Variants in GDAP1 observed in about 807,000 individuals in gnomAD.
GDAP1 encodes ganglioside-induced differentiation-associated protein 1.
A neutral mutation model predicts 40.1 loss-of-function variants in GDAP1; 34 were observed. The observed-to-expected ratio is 0.85, with a 90% CI of 0.64 to 1.13. The LOEUF (loss-of-function observed/expected upper bound fraction) is 1.13, where lower values mean the gene tolerates loss of function less well. Ranked by LOEUF, GDAP1 falls within the 50% of genes most tolerant of loss-of-function variation. GDAP1 has a pLI of 0.00. For missense variants in GDAP1, 374 were observed against 433.7 expected (o/e 0.86, Z 1.22); for synonymous variants, 170 against 157.4 (o/e 1.08, Z -0.60).
downstream of GDAP1, among the ~76,000 whole-genome samples, chr8:74,367,598 C>A (rs1809683136): frequency 6.6e-6 from 1 of 152,076 alleles, no homozygotes; most frequent in Non-Finnish European, 1.5e-5. Context: ...ATATAACCAT[C>A]ATATTGTTTA....
intron 2 of GDAP1, among the ~76,000 whole-genome samples, chr8:74,445,666 A>G (rs1328823116): frequency 6.6e-6 from 1 of 152,228 alleles, no homozygotes; most frequent in African/African-American, 2.4e-5. Context: ...ACTTAAAAAA[A>G]GACTAGAAAA....
chr8:74,384,247 A>G (rs545162128), intron 2 of GDAP1, among the ~76,000 whole-genome samples: 1 of 152,122 alleles, frequency 6.6e-6, no homozygotes, highest in Non-Finnish European at 1.5e-5. Flanking sequence ...ATTCACTTCA[A>G]TGGGGGAAAT....
In GDAP1 at chr8:74,423,231, TATG is replaced by T. The variant is rs200050509; in HGVS notation, c.166-65444_166-65442del. On this transcript the variant is annotated intron_variant, in intron 2 of 2. Transcript: ENST00000523640. ...TAGTATATATGTATACTATATATAA[TATG>T]ATATGTATACTATATATAATAGTAT... Among the ~76,000 whole-genome samples, 1,132 of 147,244 alleles carry T rather than the reference TATG, an allele frequency of 7.7e-3. 16 individuals carry two copies. Among genetic ancestry groups the T allele is most frequent in the African/African-American group, 0.026 (1,065 of 40,616 alleles).
chr8:74,390,340 T>C (rs1325570062), intron 2 of GDAP1, among the ~76,000 whole-genome samples: 1 of 152,240 alleles, frequency 6.6e-6, no homozygotes, highest in Non-Finnish European at 1.5e-5. Context: ...TGGTCTTTGA[T>C]GCTGGTGGCC....
Position 74,366,098 on chromosome 8 carries a change from G to T in GDAP1, c.*1731G>T, listed in dbSNP as rs1327507580. ...AAGTTGTTAAGAATAAAAATTAGAA[G>T]TCCATGGTTAACTTTTCCTTCAATT... On this transcript the variant is annotated 3_prime_UTR_variant, in exon 6 of 6. Coordinates refer to ENST00000220822, the MANE Select transcript of GDAP1 (RefSeq NM_018972.4). 1 of 441,620 alleles carries T rather than the reference G, an allele frequency of 2.3e-6. No individual in the cohort carries two copies. Among genetic ancestry groups the T allele is most frequent in the Non-Finnish European group, 4.5e-6 (1 of 223,216 alleles). 27.4% of individuals were successfully genotyped at this position (441,620 alleles called of 1,614,324 possible).
At chr8:74,436,500 G>A in intron 2 of GDAP1, among the ~76,000 whole-genome samples, 1 of 145,836 alleles carries the variant, frequency 6.9e-6, no homozygotes, top group African/African-American at 2.6e-5. Context: ...TCGGCTCACT[G>A]CAACCTCCAC....
At chr8:74,382,466 C>T (rs1809969527) in intron 2 of GDAP1, among the ~76,000 whole-genome samples, 1 of 149,098 alleles carries the variant, frequency 6.7e-6, no homozygotes, top group Non-Finnish European at 1.5e-5. Flanking sequence ...ATTCTATTCT[C>T]TAGCTAACTT....
At chr8:74,356,605 G>C (rs1586799844) in intron 2 of GDAP1, among the ~76,000 whole-genome samples, 1 of 148,540 alleles carries the variant, frequency 6.7e-6, no homozygotes, top group South Asian at 2.1e-4. Context: ...TAATCAATCA[G>C]TTTGCTACCA....
At position 74,482,559 on chromosome 8, in the gene GDAP1, A is replaced by G. The variant is rs183372680; in HGVS notation, c.166-6119A>G. ...AAAAAAAATGAAACAAAAAATGTTT[A>G]GATGATTGGGCATTCCTTTAATATG... On this transcript the variant is annotated intron_variant, in intron 2 of 2. Transcript: ENST00000523640. Among the ~76,000 whole-genome samples the G allele has an allele frequency of 1.1e-4, 16 of 152,342 alleles. No individual in the cohort carries two copies. The East Asian group carries it at 3.1e-3, about 29-fold the overall frequency.
intron 2 of GDAP1, among the ~76,000 whole-genome samples, chr8:74,390,645 C>T (rs1420499620): frequency 1.3e-5 from 2 of 152,174 alleles, no homozygotes; most frequent in African/African-American, 2.4e-5. Flanking sequence ...GTCTGCCAGT[C>T]AGAAGGCATG....
intron 2 of GDAP1, among the ~76,000 whole-genome samples, chr8:74,403,863 G>A (rs1346318115): frequency 6.7e-6 from 1 of 150,134 alleles, no homozygotes; most frequent in Non-Finnish European, 1.5e-5. Flanking sequence ...CTAAGTTGGT[G>A]TTATGTATAA....
At chr8:74,403,482 G>C (rs1027113053) in intron 2 of GDAP1, among the ~76,000 whole-genome samples, 20 of 150,250 alleles carry the variant, frequency 1.3e-4, no homozygotes, top group Admixed American at 1.3e-3. Context: ...GAGATGACTA[G>C]AATTGCAAAT....
At position 74,400,972 on chromosome 8, in the gene GDAP1, T is replaced by G. The variant is rs371864532; in HGVS notation, c.165+49651T>G. 5.6e-3 allele frequency among the ~76,000 whole-genome samples: 834 copies of G among 147,706 alleles called. 62 individuals are homozygous for G. Among genetic ancestry groups the G allele is most frequent in the African/African-American group, 0.02 (770 of 38,038 alleles). On this transcript the variant is annotated intron_variant, in intron 2 of 2. Transcript: ENST00000523640. ...TGTGGGTAACCTGACCTTTCTCTCTTGCTGCCCTTAACATTTTTTCCTTCA... is the reference window on the plus strand; with the variant it reads ...TGTGGGTAACCTGACCTTTCTCTCTGGCTGCCCTTAACATTTTTTCCTTCA...
intron 2 of GDAP1, among the ~76,000 whole-genome samples, chr8:74,482,157 C>G (rs1410726782): frequency 6.7e-6 from 1 of 149,824 alleles, no homozygotes; most frequent in Non-Finnish European, 1.5e-5. Flanking sequence ...GATCAAGTAG[C>G]TTAATTTGAC....
Position 74,439,231 on chromosome 8 carries a change from A to ATG in GDAP1, c.166-49437_166-49436dup, listed in dbSNP as rs547096546. On this transcript the variant is annotated intron_variant, in intron 2 of 2. Transcript: ENST00000523640. ...ACATATATATACATGTTATATATATATGTGTGTGTGTATATACACATATTA... is the reference window on the plus strand; with the variant it reads ...ACATATATATACATGTTATATATATATGTGTGTGTGTGTATATACACATATTA... Among the ~76,000 whole-genome samples, 91 of 151,964 alleles carry ATG rather than the reference A, an allele frequency of 6.0e-4. No homozygotes were observed. In the South Asian group the frequency reaches 0.017, roughly 29 times the overall value.
At chr8:74,488,512 G>A (rs1481849206) in intron 2 of GDAP1, among the ~76,000 whole-genome samples, 1 of 152,168 alleles carries the variant, frequency 6.6e-6, no homozygotes, top group East Asian at 1.9e-4. Context: ...AATGGTGATT[G>A]TTATGGATAG....
chr8:74,416,417 AAC>A (rs1251832474), intron 2 of GDAP1, among the ~76,000 whole-genome samples: 2 of 150,204 alleles, frequency 1.3e-5, no homozygotes, highest in African/African-American at 2.5e-5. Context: ...CAAGCAGAAT[AAC>A]ACAGTGCCCA....
intron 2 of GDAP1, among the ~76,000 whole-genome samples, chr8:74,425,036 A>C (rs1014075576): frequency 6.6e-6 from 1 of 152,196 alleles, no homozygotes; most frequent in African/African-American, 2.4e-5. Context: ...GGTCAACTGC[A>C]TTCTACTCAC....
chr8:74,387,624 A>G (rs1346654587), intron 2 of GDAP1, among the ~76,000 whole-genome samples: 2 of 152,102 alleles, frequency 1.3e-5, no homozygotes. Flanking sequence ...TTCATCAGGG[A>G]TATTAGCCCG....
Sources: gnomAD v4.1 joint callset for allele counts (sites outside exome capture counted in the v4.1 genomes callset) on GRCh38, gnomAD v4.1.1 for gene constraint, MANE v1.5 for transcripts, NCBI Gene and HGNC (gene_info 2026-07-23, HGNC 2026-07-21) for gene names.